SPECC1L: variants seen among roughly 807,000 people sequenced by gnomAD.
SPECC1L encodes the protein sperm antigen with calponin homology and coiled-coil domains 1 like.
Under a neutral mutation model 116.8 loss-of-function variants are expected in SPECC1L, and 40 were observed. The ratio of observed to expected loss-of-function variants is 0.34; its 90% CI spans 0.27 to 0.45. SPECC1L has a LOEUF of 0.45. Among genes scored for constraint, SPECC1L ranks in the 20% least tolerant of loss-of-function variants. The pLI is 1.00. For missense variants in SPECC1L, 1,110 were observed against 1,373.6 expected (o/e 0.81, Z 3.03); for synonymous variants, 504 against 500.6 (o/e 1.01, Z -0.09).
At chr22:24,403,526 CTTACT>C (rs745557736) in intron 14 of SPECC1L, among the ~76,000 whole-genome samples, 5 of 152,104 alleles carry the variant, frequency 3.3e-5, no homozygotes, top group Non-Finnish European at 5.9e-5. Context: ...TTGAGAATAG[CTTACT>C]TTAAAGGGCT....
chr22:24,375,594 G>A (rs1278746860), intron 14 of SPECC1L, among the ~76,000 whole-genome samples: 1 of 152,198 alleles, frequency 6.6e-6, no homozygotes, highest in Non-Finnish European at 1.5e-5. Flanking sequence ...AAATCCAGCA[G>A]CCATTTATGA....
chr22:24,412,659 C>G lies in SPECC1L; in HGVS notation c.3216C>G (p.Phe1072Leu). 6.2e-7 allele frequency: 1 copy of G among 1,614,204 alleles called. No individual in the cohort carries two copies. The highest frequency in any genetic ancestry group is 1.7e-5 in the Admixed American group (1 of 60,032). ...ELNSQDKRRN[F>L]MLAFQAAESV... is the part of the protein sequence containing the mutation. ...AGTTTCTTTTACAGAGAAGGAACTT[C>G]ATGCTGGCTTTCCAGGCAGCTGAAA... Residue 1072 changes from phenylalanine to leucine, a missense_variant, in exon 16 of 17, where the codon TTC becomes TTG. Phe to Leu is a conservative substitution (Grantham distance 22). This residue lies in a region of SPECC1L where 76 missense variants were observed against 148.5 expected (regional missense o/e 0.51). Coordinates refer to ENST00000314328, the MANE Select transcript of SPECC1L (RefSeq NM_015330.6).
chr22:24,401,140 G>A (rs2146777951), intron 14 of SPECC1L, among the ~76,000 whole-genome samples: 1 of 152,296 alleles, frequency 6.6e-6, no homozygotes. Flanking sequence ...GTCATAATCA[G>A]TTTGCTTGAA....
chr22:24,330,128 TA>T, intron 7 of SPECC1L, 127 bp from the exon 8 acceptor site: 12 of 912,110 alleles, frequency 1.3e-5, no homozygotes, highest in Non-Finnish European at 1.7e-5. Context: ...TCTCTGGGAT[TA>T]AAAAAATTAA....
chr22:24,340,166 T>G (rs987274262), intron 10 of SPECC1L, among the ~76,000 whole-genome samples: 46 of 139,996 alleles, frequency 3.3e-4, no homozygotes, highest in African/African-American at 1.3e-3. Context: ...TTTTTTTTTT[T>G]GAGACGGAGT....
At chr22:24,410,836 G>A (rs1003774) in intron 14 of SPECC1L, among the ~76,000 whole-genome samples, 2 of 151,976 alleles carry the variant, frequency 1.3e-5, no homozygotes, top group African/African-American at 4.8e-5. Context: ...GAGGATCTTT[G>A]ACATGCTTCA....
At chr22:24,320,372 A>T (rs1023645539) in intron 4 of SPECC1L, among the ~76,000 whole-genome samples, 1 of 152,230 alleles carries the variant, frequency 6.6e-6, no homozygotes, top group African/African-American at 2.4e-5. Flanking sequence ...AAATTTTAGT[A>T]GTTAAGTAAT....
chr22:24,321,561 C>A lies in SPECC1L; in HGVS notation c.581C>A (p.Thr194Asn). ...AAGGATCTTCTCACGCTGGCAAAAA[C>A]CAAAGACGTAGAAATTTTACATTTG... Reference protein sequence around the residue: ...KVKDLLTLAKTKDVEILHLRN... With the variant: ...KVKDLLTLAKNKDVEILHLRN... Residue 194 changes from threonine (T) to asparagine (N), a missense_variant, in exon 5 of 17, where the codon ACC becomes AAC. Around this residue, in one of 4 missense-constraint regions of SPECC1L, gnomAD observed 437 missense variants for 482.6 expected, o/e 0.91. Transcript: ENST00000314328. 1 of 1,614,194 alleles carries A rather than the reference C, an allele frequency of 6.2e-7. No individual in the cohort carries two copies. Among genetic ancestry groups the A allele is most frequent in the South Asian group, 1.1e-5 (1 of 91,084 alleles).
intron 14 of SPECC1L, among the ~76,000 whole-genome samples, chr22:24,372,386 A>G (rs1185339363): frequency 6.6e-6 from 1 of 152,206 alleles, no homozygotes; most frequent in Non-Finnish European, 1.5e-5. Context: ...ATCCTCAATA[A>G]AATACTGGCA....
intron 7 of SPECC1L, among the ~76,000 whole-genome samples, chr22:24,329,367 T>C (rs5751847): frequency 0.025 from 3,808 of 152,298 alleles, 156 homozygotes; most frequent in South Asian, 0.12. Flanking sequence ...TTTAGAAAGA[T>C]AGATTTGGGG....
At chr22:24,393,625 A>G (rs1310662110) in intron 14 of SPECC1L, among the ~76,000 whole-genome samples, 2 of 152,178 alleles carry the variant, frequency 1.3e-5, no homozygotes, top group African/African-American at 4.8e-5. Context: ...TGTGGTACCT[A>G]AATGTGTTTG....
chr22:24,316,764 A>G (rs540038171), intron 4 of SPECC1L, among the ~76,000 whole-genome samples: 3 of 149,780 alleles, frequency 2.0e-5, no homozygotes, highest in South Asian at 4.4e-4. Context: ...CACCATTGTC[A>G]TCATGGCCCA....
intron 11 of SPECC1L, among the ~76,000 whole-genome samples, chr22:24,348,137 A>C (rs2041341335): frequency 1.3e-5 from 2 of 152,066 alleles, no homozygotes; most frequent in African/African-American, 4.8e-5. Flanking sequence ...TGGGAAAAGC[A>C]CTGCTTCATT....
chr22:24,393,266 A>G (rs1309324310), intron 14 of SPECC1L, among the ~76,000 whole-genome samples: 2 of 152,198 alleles, frequency 1.3e-5, no homozygotes, highest in Non-Finnish European at 1.5e-5. Context: ...CAGTGACCTG[A>G]CAGAACCTTA....
intron 13 of SPECC1L, 24 bp downstream of exon 13, chr22:24,365,656 C>T: frequency 1.2e-6 from 2 of 1,613,186 alleles, no homozygotes; most frequent in Non-Finnish European, 8.5e-7. Context: ...AATATTCATG[C>T]ATTTCGTGTG....
At chr22:24,278,710 G>A (rs1212051794) in intron 2 of SPECC1L, among the ~76,000 whole-genome samples, 2 of 152,196 alleles carry the variant, frequency 1.3e-5, no homozygotes, top group African/African-American at 2.4e-5. Context: ...AGCTTGAATC[G>A]TTGGCAGCTT....
chr22:24,365,143 G>C (rs1334840500), intron 12 of SPECC1L, among the ~76,000 whole-genome samples: 1 of 152,032 alleles, frequency 6.6e-6, no homozygotes, highest in African/African-American at 2.4e-5. Flanking sequence ...ATGTAGCTGG[G>C]ATTACAGGCA....
intron 2 of SPECC1L, among the ~76,000 whole-genome samples, chr22:24,286,330 ATAGT>A (rs1310464030): frequency 6.6e-6 from 1 of 152,208 alleles, no homozygotes; most frequent in African/African-American, 2.4e-5. Flanking sequence ...AAGAAACATC[ATAGT>A]TATTTTACAT....
At position 24,322,145 on chromosome 22, in the gene SPECC1L, A is replaced by T; in HGVS notation, c.1165A>T (p.Ser389Cys). The change falls in exon 5 of 17, where the codon AGT (serine) becomes TGT (cysteine). Residue 389 changes from serine to cysteine, a missense_variant. Physicochemically the swap from Ser to Cys is moderately radical, Grantham distance 112. This residue lies in a region of SPECC1L where 437 missense variants were observed against 482.6 expected (regional missense o/e 0.91). Coordinates refer to ENST00000314328, the MANE Select transcript of SPECC1L (RefSeq NM_015330.6). The stretch of plus-strand genomic sequence containing the variant: ...CCGGAAGGGGAGCAGCGGGAATGCC[A>T]GTGAAGTGTCCGTGGCTTGCCTGAC... Reference protein sequence around the residue: ...RSRKGSSGNASEVSVACLTER... With the variant: ...RSRKGSSGNACEVSVACLTER... The T allele has an allele frequency of 6.2e-7, 1 of 1,614,014 alleles. No homozygotes were observed. Among genetic ancestry groups the T allele is most frequent in the Non-Finnish European group, 8.5e-7 (1 of 1,180,042 alleles).
Sources: allele counts gnomAD v4.1 joint callset (sites outside exome capture counted in the v4.1 genomes callset), GRCh38; gene constraint gnomAD v4.1.1; regional missense constraint gnomAD v4.1.1; transcripts MANE v1.5; gene names NCBI Gene and HGNC (gene_info 2026-07-23, HGNC 2026-07-21).